Variants in RSPO2 observed in about 807,000 individuals in gnomAD.
RSPO2 encodes R-spondin 2, also known as R-spondin-2.
RSPO2 carries 14 observed loss-of-function variants against 30.9 expected under a neutral mutation model. The ratio of observed to expected loss-of-function variants is 0.45; its 90% CI spans 0.30 to 0.71. The LOEUF is 0.71. RSPO2 is among the 30% of genes least tolerant of loss of function. The pLI, the probability that RSPO2 is intolerant of heterozygous loss-of-function variation, is 0.08. For synonymous variants in RSPO2, 107 were observed against 96.4 expected (o/e 1.11, Z -0.64); for missense variants, 264 against 301.9 (o/e 0.87, Z 0.93).
chr8:108,041,203 C>CAAAAAAAAAAAAAAAAAAAAAAAAGAGGA (rs55937336), intron 2 of RSPO2, among the ~76,000 whole-genome samples: 1 of 100,386 alleles, frequency 1.0e-5, no homozygotes, highest in Non-Finnish European at 1.9e-5. Context: ...CAAAAAGTGG[C>CAAAAAAAAAAAAAAAAAAAAAAAAGAGGA]AAAAAAAAAA....
At chr8:108,033,058 A>C (rs924364841) in intron 2 of RSPO2, among the ~76,000 whole-genome samples, 1 of 150,018 alleles carries the variant, frequency 6.7e-6, no homozygotes, top group Admixed American at 6.6e-5. Context: ...TCAAAAAAAA[A>C]AAAAAAAAAA....
intron 2 of RSPO2, among the ~76,000 whole-genome samples, chr8:108,032,260 C>T (rs757196740): frequency 6.6e-6 from 1 of 152,178 alleles, no homozygotes; most frequent in East Asian, 1.9e-4. Context: ...ATTTACAAAT[C>T]ACTATACATA....
intron 2 of RSPO2, among the ~76,000 whole-genome samples, chr8:107,997,931 C>A (rs531535830): frequency 1.3e-5 from 2 of 152,234 alleles, no homozygotes; most frequent in African/African-American, 4.8e-5. Context: ...CTGCAGTTAG[C>A]CCTTGCCAAG....
At chr8:107,943,204 C>CACAT (rs1200300502) in intron 5 of RSPO2, among the ~76,000 whole-genome samples, 2 of 152,192 alleles carry the variant, frequency 1.3e-5, no homozygotes, top group Non-Finnish European at 2.9e-5. Flanking sequence ...ACACCATGCA[C>CACAT]ACATGCGTGC....
chr8:108,017,937 T>C (rs544699873), intron 2 of RSPO2, among the ~76,000 whole-genome samples: 5 of 152,236 alleles, frequency 3.3e-5, no homozygotes, highest in Non-Finnish European at 7.3e-5. Flanking sequence ...GTTCCTAGAT[T>C]TGTTTTCCTA....
chr8:107,928,178 C>A (rs983983780), intron 5 of RSPO2, among the ~76,000 whole-genome samples: 2 of 152,100 alleles, frequency 1.3e-5, no homozygotes, highest in Non-Finnish European at 2.9e-5. Context: ...GAACTCTGAA[C>A]CCCCTTCTGT....
At chr8:108,049,016 G>GGCTACATAGTATTC (rs1563578682) in intron 2 of RSPO2, among the ~76,000 whole-genome samples, 1 of 151,926 alleles carries the variant, frequency 6.6e-6, no homozygotes, top group African/African-American at 2.4e-5. Context: ...TAATTTGATT[G>GGCTACATAGTATTC]CACTGTGGTC....
intron 3 of RSPO2, among the ~76,000 whole-genome samples, chr8:107,976,630 A>G (rs1020749724): frequency 8.5e-5 from 13 of 152,146 alleles, no homozygotes; most frequent in Admixed American, 3.9e-4. Context: ...ATTTTTAGAC[A>G]TGAGGACACT....
At chr8:108,001,894 G>A (rs1815260814) in intron 2 of RSPO2, among the ~76,000 whole-genome samples, 1 of 152,074 alleles carries the variant, frequency 6.6e-6, no homozygotes, top group Middle Eastern at 3.2e-3. Flanking sequence ...GCAGGGGGTG[G>A]GGGCAAGGAG....
intron 3 of RSPO2, among the ~76,000 whole-genome samples, chr8:107,973,361 C>T (rs1814074605): frequency 2.0e-5 from 3 of 151,142 alleles, no homozygotes; most frequent in Admixed American, 2.0e-4. Context: ...TCAGTTTTGT[C>T]TGTATTACAT....
In RSPO2 at chr8:107,963,231, T is replaced by TAA. The variant is rs5893893; in HGVS notation, c.284-2416_284-2415dup. On this transcript the variant is annotated intron_variant, in intron 3 of 5. Coordinates refer to ENST00000276659, the MANE Select transcript of RSPO2 (RefSeq NM_178565.5). ...TGACCTGAAAAACCCATTGTTAAGT[T>TAA]AAAAAAAAAAAAAGACAAGTTGGCT... is the stretch of plus-strand genomic sequence containing the variant. Among the ~76,000 whole-genome samples, 506 of 144,770 alleles carry TAA rather than the reference T, an allele frequency of 3.5e-3. 1 individual carries two copies. Among genetic ancestry groups the TAA allele is most frequent in the Non-Finnish European group, 5.3e-3 (353 of 66,292 alleles). 95.0% of individuals were successfully genotyped at this position (144,770 alleles called of 152,430 possible). A position where few individuals can be genotyped will look rare whatever the true frequency, so the allele number is the denominator to read the frequency against.
At position 107,899,787 on chromosome 8, in the gene RSPO2, T is replaced by TTTGAAACAAC. The variant is rs1431505791; in HGVS notation, c.*1278_*1287dup. The stretch of plus-strand genomic sequence containing the variant: ...GTTCCCCTAAAAGGACAATGATGTG[T>TTTGAAACAAC]TTGAAACAACTGCTCTGAAAGTCAC... On this transcript the variant is annotated 3_prime_UTR_variant, in exon 6 of 6. Transcript: ENST00000276659. 2 of 152,182 alleles carry TTTGAAACAAC rather than the reference T, an allele frequency of 1.3e-5. No homozygotes were observed. Among genetic ancestry groups the TTTGAAACAAC allele is most frequent in the Non-Finnish European group, 2.9e-5 (2 of 68,036 alleles). The allele number at this position is 152,182 out of a possible 1,614,324, so 9.4% of individuals were successfully genotyped here. A position where few individuals can be genotyped will look rare whatever the true frequency, so the allele number is the denominator to read the frequency against.
At chr8:107,974,163 A>G (rs1363399322) in intron 3 of RSPO2, among the ~76,000 whole-genome samples, 1 of 152,118 alleles carries the variant, frequency 6.6e-6, no homozygotes, top group Non-Finnish European at 1.5e-5. Flanking sequence ...GATCCTCTGC[A>G]CATACCAAGG....
chr8:108,057,204 G>A (rs994625774), intron 2 of RSPO2, among the ~76,000 whole-genome samples: 1 of 148,810 alleles, frequency 6.7e-6, no homozygotes, highest in Non-Finnish European at 1.5e-5. Flanking sequence ...ATTTGATGTT[G>A]AACAATTATG....
intron 2 of RSPO2, among the ~76,000 whole-genome samples, chr8:107,990,178 GA>G (rs1814799827): frequency 6.6e-6 from 1 of 152,092 alleles, no homozygotes; most frequent in Non-Finnish European, 1.5e-5. Flanking sequence ...AATGGTAGAA[GA>G]GAATGACATA....
intron 2 of RSPO2, among the ~76,000 whole-genome samples, chr8:108,033,243 C>A (rs1464875294): frequency 6.6e-6 from 1 of 151,968 alleles, no homozygotes; most frequent in Non-Finnish European, 1.5e-5. Context: ...TTATTGATCA[C>A]CACCACCTTC....
intron 2 of RSPO2, among the ~76,000 whole-genome samples, chr8:108,009,930 T>C (rs1810644262): frequency 6.7e-6 from 1 of 149,662 alleles, no homozygotes; most frequent in African/African-American, 2.5e-5. Context: ...ACGCTTGTAG[T>C]CCCAGCTACT....
At position 107,952,876 on chromosome 8, in the gene RSPO2, CTTTCT is replaced by C. The variant is rs536507385; in HGVS notation, c.616+5199_616+5203del. Among the ~76,000 whole-genome samples, 247 of 152,280 alleles carry C rather than the reference CTTTCT, an allele frequency of 1.6e-3. 3 individuals carry two copies. The highest frequency in any genetic ancestry group is 0.015 in the Admixed American group (230 of 15,296). ...AGATCAAGGTTCTAAGTAGCTAATACTTTCTTTTGTTTCCTACCAAGAACCACTTT... is the reference window on the plus strand; with the variant it reads ...AGATCAAGGTTCTAAGTAGCTAATACTTTGTTTCCTACCAAGAACCACTTT... On this transcript the variant is annotated intron_variant, in intron 5 of 5. Coordinates refer to ENST00000276659, the MANE Select transcript of RSPO2 (RefSeq NM_178565.5).
intron 2 of RSPO2, among the ~76,000 whole-genome samples, chr8:108,066,625 G>A (rs956350012): frequency 2.6e-5 from 4 of 151,998 alleles, no homozygotes; most frequent in Non-Finnish European, 5.9e-5. Context: ...CTAAGAACCT[G>A]CAATTAAAAT....
Sources: gnomAD v4.1 joint callset for allele counts (sites outside exome capture counted in the v4.1 genomes callset) on GRCh38, gnomAD v4.1.1 for gene constraint, MANE v1.5 for transcripts, NCBI Gene and HGNC (gene_info 2026-07-23, HGNC 2026-07-21) for gene names.